Variants in FAU observed in about 807,000 individuals in gnomAD.
FAU encodes the protein FAU ubiquitin like and ribosomal protein S30 fusion, also known as ubiquitin-like FUBI-ribosomal protein eS30 fusion protein.
For missense variants in FAU, 125 were observed against 173.9 expected, an observed-to-expected ratio of 0.72 and a Z score of 1.58; for synonymous variants, 70 against 69.9, an observed-to-expected ratio of 1.00 and a Z score of -0.01.
intron 3 of FAU, 191 bp downstream of exon 3, chr11:65,121,309 T>C (rs1372464650): frequency 3.7e-6 from 3 of 807,962 alleles, no homozygotes; most frequent in Non-Finnish European, 5.7e-6. Flanking sequence ...GAAATACAAC[T>C]ACACTCTGGC....
At chr11:65,120,908 G>A (rs1948040939) in intron 4 of FAU, 73 bp downstream of exon 4, 1 of 1,609,690 alleles carries the variant, frequency 6.2e-7, no homozygotes, top group Non-Finnish European at 8.5e-7. Flanking sequence ...AACCGAGTAA[G>A]AGCCCAGGGA....
intron 3 of FAU, 131 bp downstream of exon 3, chr11:65,121,369 G>A: frequency 8.0e-7 from 1 of 1,244,406 alleles, no homozygotes. Context: ...TAAACAGGAA[G>A]AATCACTCTG....
intron 3 of FAU, 66 bp downstream of exon 3, chr11:65,121,434 G>T: frequency 6.4e-7 from 1 of 1,564,396 alleles, no homozygotes; most frequent in Non-Finnish European, 8.7e-7. Context: ...TCAGCTGTCA[G>T]GACTATGCAC....
At chr11:65,121,689 G>A (rs1385335719) in intron 2 of FAU, 45 bp from the exon 3 acceptor site, 3 of 1,613,736 alleles carry the variant, frequency 1.9e-6, no homozygotes, top group Non-Finnish European at 2.5e-6. Context: ...CGGGCCGCGA[G>A]AGTGAAGAGC....
chr11:65,121,793 G>C lies in FAU; in HGVS notation c.21C>G (p.Ala7=). 6.2e-7 allele frequency: 1 copy of C among 1,614,098 alleles called. No homozygotes were observed. The highest frequency in any genetic ancestry group is 8.5e-7 in the Non-Finnish European group (1 of 1,180,044). Residue 7 remains alanine, a synonymous_variant, in exon 2 of 5, where the codon GCC becomes GCG. Transcript: ENST00000529639. ...TCACCTCGAAGGTGTGTAGCTCCTG[G>C]GCGCGGACAAAGAGCTGCATATTGG... is the stretch of plus-strand genomic sequence containing the variant. MQLFVR[A]QELHTFEVTG...
chr11:65,121,661 G>A lies in FAU; in HGVS notation c.76-17C>T, dbSNP rs767451752. On this transcript the variant is annotated splice_polypyrimidine_tract_variant and intron_variant, in intron 2 of 4. Transcript: ENST00000529639. ...TACATGAGCCTACAGGGAAAGATAA[G>A]GCTCGTAAGCGTTCCCTCGGGCCGC... is the stretch of plus-strand genomic sequence containing the variant. 15 of 1,613,572 alleles carry A rather than the reference G, an allele frequency of 9.3e-6. No individual in the cohort carries two copies. The highest frequency in any genetic ancestry group is 1.2e-5 in the Non-Finnish European group (14 of 1,179,844).
chr11:65,121,954 G>C (rs1478268318), intron 1 of FAU, 133 bp from the exon 2 acceptor site: 5 of 841,116 alleles, frequency 5.9e-6, no homozygotes, highest in Non-Finnish European at 9.4e-6. Context: ...GGGAAGGCCA[G>C]GCCTCCCAAG....
chr11:65,121,435 G>A, intron 3 of FAU, 65 bp downstream of exon 3: 1 of 1,566,200 alleles, frequency 6.4e-7, no homozygotes, highest in Non-Finnish European at 8.7e-7. Context: ...CAGCTGTCAG[G>A]ACTATGCACC....
In FAU at chr11:65,120,699, G is replaced by A; in HGVS notation, c.384C>T (p.Gly128=). The change falls in exon 5 of 5, where the codon GGC becomes GGT. Residue 128 remains glycine (G), a synonymous_variant. Transcript: ENST00000529639. ...NVVPTFGKKK[G]PNANS is the part of the protein sequence containing the mutation. ...AAAAGACTTAAGAGTTGGCATTGGGGCCCTTCTTCTTGCCAAAGGTGGGCA... is the reference window on the plus strand; with the variant it reads ...AAAAGACTTAAGAGTTGGCATTGGGACCCTTCTTCTTGCCAAAGGTGGGCA... 6.2e-7 allele frequency: 1 copy of A among 1,614,154 alleles called. No individual in the cohort carries two copies. The highest frequency in any genetic ancestry group is 8.5e-7 in the Non-Finnish European group (1 of 1,180,020).
chr11:65,121,524 C>T lies in FAU; in HGVS notation c.196G>A (p.Glu66Lys). The T allele has an allele frequency of 2.5e-6, 4 of 1,613,704 alleles. No homozygotes were observed. The highest frequency in any genetic ancestry group is 3.4e-6 in the Non-Finnish European group (4 of 1,179,878). The change falls in exon 3 of 5, where the codon GAA (glutamate) becomes AAA (lysine). Residue 66 changes from glutamate (E) to lysine (K), a missense_variant. Physicochemically the swap from Glu to Lys is moderately conservative, Grantham distance 56 (BLOSUM62 1). Transcript: ENST00000529639. ...QCGVEALTTL[E>K]VAGRMLGGKV... Reference sequence around the variant, plus strand: ...CCTCCAAGCATGCGGCCTGCTACTTCCAGGGTAGTCAGGGCCTCCACCCCG... The same window carrying T: ...CCTCCAAGCATGCGGCCTGCTACTTTCAGGGTAGTCAGGGCCTCCACCCCG...
rs1286561087 is a variant in FAU, at chr11:65,122,096, G to A, written c.-15C>T. 17 of 598,340 alleles carry A rather than the reference G, an allele frequency of 2.8e-5. No homozygotes were observed. The highest frequency in any genetic ancestry group is 7.9e-5 in the South Asian group (4 of 50,560). The allele number at this position is 598,340 out of a possible 1,614,324, so 37.1% of individuals were successfully genotyped here. ...GCCAAGGCCCCATTCTTACCTGAAC[G>A]GCGGTCCCAGCTACCGCGAAGATGG... On this transcript the variant is annotated 5_prime_UTR_variant, in exon 1 of 5. Coordinates refer to ENST00000529639, the MANE Select transcript of FAU (RefSeq NM_001997.5).
intron 4 of FAU, 39 bp from the exon 5 acceptor site, chr11:65,120,845 T>C (rs1424057879): frequency 1.2e-6 from 2 of 1,612,434 alleles, no homozygotes; most frequent in Non-Finnish European, 1.7e-6. Flanking sequence ...GGTTCCTGTC[T>C]TCCACACCTA....
rs769033083 is a variant in FAU at position 65,121,616 on chromosome 11, G to A, written c.104C>T (p.Ala35Val). The A allele has an allele frequency of 1.8e-5, 29 of 1,613,864 alleles. No individual in the cohort carries two copies. The South Asian group carries it at 3.0e-4, about 16-fold the overall frequency. ...CAGGAGCACGACTTGATCTTCCGGG[G>A]CAATGCCCTCCAGTGAGGCTACATG... Reference protein sequence around the residue: ...KAHVASLEGIAPEDQVVLLAG... With the variant: ...KAHVASLEGIVPEDQVVLLAG... The change falls in exon 3 of 5, where the codon GCC becomes GTC. Residue 35 changes from alanine (A) to valine (V), a missense_variant. Transcript: ENST00000529639.
At chr11:65,122,001 G>A in intron 1 of FAU, 89 bp downstream of exon 1, 1 of 645,818 alleles carries the variant, frequency 1.5e-6, no homozygotes. Context: ...CCACGGAGCA[G>A]GCCCCGTTCT....
In FAU at chr11:65,121,657, A is replaced by C. The variant is rs895763471; in HGVS notation, c.76-13T>G. ...AGGCTACATGAGCCTACAGGGAAAG[A>C]TAAGGCTCGTAAGCGTTCCCTCGGG... On this transcript the variant is annotated splice_polypyrimidine_tract_variant and intron_variant, in intron 2 of 4. Coordinates refer to ENST00000529639, the MANE Select transcript of FAU (RefSeq NM_001997.5). The C allele has an allele frequency of 3.7e-6, 6 of 1,613,808 alleles. No homozygotes were observed. The Middle Eastern group carries it at 6.6e-4, about 178-fold the overall frequency.
At position 65,120,674 on chromosome 11, in the gene FAU, A is replaced by G. The variant is rs772215754; in HGVS notation, c.*7T>C. The G allele has an allele frequency of 1.2e-6, 2 of 1,613,010 alleles. No individual in the cohort carries two copies. Among genetic ancestry groups the G allele is most frequent in the African/African-American group, 1.3e-5 (1 of 74,952 alleles). On this transcript the variant is annotated 3_prime_UTR_variant, in exon 5 of 5. Coordinates refer to ENST00000529639, the MANE Select transcript of FAU (RefSeq NM_001997.5). ...TTTTATTAGAGAAAGCCAGAATTAC[A>G]AAAGACTTAAGAGTTGGCATTGGGG...
At chr11:65,120,938 GA>G (rs772514094) in intron 4 of FAU, 42 bp downstream of exon 4, 8 of 1,610,440 alleles carry the variant, frequency 5.0e-6, no homozygotes, top group Non-Finnish European at 5.9e-6. Flanking sequence ...GCTGTGAAAG[GA>G]AAAAAAGTCC....
At position 65,120,815 on chromosome 11, in the gene FAU, G is replaced by A. The variant is rs374781383; in HGVS notation, c.277-9C>T. 3.0e-4 allele frequency: 485 copies of A among 1,613,864 alleles called. No homozygotes were observed. Among genetic ancestry groups the A allele is most frequent in the Non-Finnish European group, 4.0e-4 (467 of 1,179,948 alleles). ...TTCTCCTGTTTGGCCACCTGGAGAA[G>A]GGAAGGTTAATCAGGCCCTGGTTCC... On this transcript the variant is annotated splice_polypyrimidine_tract_variant and intron_variant, in intron 4 of 4. Transcript: ENST00000529639.
At position 65,120,820 on chromosome 11, in the gene FAU, G is replaced by C. The variant is rs1411354138; in HGVS notation, c.277-14C>G. ...CTGTTTGGCCACCTGGAGAAGGGAA[G>C]GTTAATCAGGCCCTGGTTCCTGTCT... On this transcript the variant is annotated splice_polypyrimidine_tract_variant and intron_variant, in intron 4 of 4. Coordinates refer to ENST00000529639, the MANE Select transcript of FAU (RefSeq NM_001997.5). The C allele has an allele frequency of 1.9e-6, 3 of 1,613,818 alleles. No homozygotes were observed. The highest frequency in any genetic ancestry group is 1.3e-5 in the African/African-American group (1 of 74,916).
Sources: allele counts gnomAD v4.1 joint callset, GRCh38; gene constraint gnomAD v4.1.1; transcripts MANE v1.5; gene names NCBI Gene and HGNC (gene_info 2026-07-23, HGNC 2026-07-21).